SMURF2: variants seen among roughly 807,000 people sequenced by gnomAD.
SMURF2 encodes E3 ubiquitin-protein ligase SMURF2.
In SMURF2, 48 loss-of-function variants were observed where a neutral mutation model predicts 109.6. The observed-to-expected ratio is 0.44, with a 90% CI of 0.35 to 0.56. The LOEUF (loss-of-function observed/expected upper bound fraction) is 0.56, where lower values mean the gene tolerates loss of function less well. Among genes scored for constraint, SMURF2 ranks in the 20% least tolerant of loss-of-function variants. The pLI, the probability that SMURF2 is intolerant of heterozygous loss-of-function variation, is 0.01. For missense variants in SMURF2, 575 were observed against 909.0 expected, an observed-to-expected ratio of 0.63 and a Z score of 4.72; for synonymous variants, 288 against 317.1, an observed-to-expected ratio of 0.91 and a Z score of 0.97.
intron 1 of SMURF2, among the ~76,000 whole-genome samples, chr17:64,659,003 T>C (rs1392017960): frequency 2.0e-5 from 3 of 152,224 alleles, no homozygotes; most frequent in Admixed American, 2.0e-4. Flanking sequence ...ATCAAATTAT[T>C]AAATTAGCCC....
chr17:64,607,873 A>T (rs1969990887), intron 1 of SMURF2, among the ~76,000 whole-genome samples: 1 of 151,020 alleles, frequency 6.6e-6, no homozygotes, highest in Non-Finnish European at 1.5e-5. Context: ...CAGGAGGCTG[A>T]GGTGCGAGAA....
chr17:64,599,251 G>C lies in SMURF2; in HGVS notation c.92-761C>G, dbSNP rs1342782779. On this transcript the variant is annotated intron_variant, in intron 2 of 18. Coordinates refer to ENST00000262435, the MANE Select transcript of SMURF2 (RefSeq NM_022739.4). ...CAAGGGGGTCAATTAACTAGCCCAA[G>C]GTCACAGAGTAGTAAATGGCAGGGC... Among the ~76,000 whole-genome samples the C allele has an allele frequency of 4.6e-5, 7 of 152,236 alleles. No individual in the cohort carries two copies. In the Middle Eastern group the frequency reaches 0.01, roughly 222 times the overall value.
chr17:64,556,134 T>C, intron 13 of SMURF2, 136 bp from the exon 14 acceptor site: 1 of 548,512 alleles, frequency 1.8e-6, no homozygotes, highest in Non-Finnish European at 3.2e-6. Flanking sequence ...CAGGAGGGAG[T>C]ATTTCTCTAG....
At chr17:64,622,302 A>G (rs1055284695) in intron 1 of SMURF2, among the ~76,000 whole-genome samples, 2 of 152,098 alleles carry the variant, frequency 1.3e-5, no homozygotes, top group African/African-American at 4.8e-5. Flanking sequence ...ATGAACATCT[A>G]ACATTAATAT....
intron 2 of SMURF2, among the ~76,000 whole-genome samples, chr17:64,606,199 A>G (rs141862403): frequency 4.6e-5 from 7 of 152,328 alleles, no homozygotes; most frequent in African/African-American, 1.7e-4. Context: ...AGCAGGCTCA[A>G]TGACTTTTCT....
At chr17:64,557,744 A>C (rs1555684163) in intron 12 of SMURF2, 22 bp from the exon 13 acceptor site, 1 of 1,444,338 alleles carries the variant, frequency 6.9e-7, no homozygotes, top group East Asian at 2.3e-5. Flanking sequence ...GATATGACCA[A>C]GGAATTTTTT....
chr17:64,629,927 G>C (rs1485664890), intron 1 of SMURF2, among the ~76,000 whole-genome samples: 1 of 152,164 alleles, frequency 6.6e-6, no homozygotes, highest in African/African-American at 2.4e-5. Flanking sequence ...TACTAGAAAA[G>C]TAATCATCCT....
intron 1 of SMURF2, among the ~76,000 whole-genome samples, chr17:64,653,863 TAAAC>T (rs1970671121): frequency 6.6e-6 from 1 of 152,106 alleles, no homozygotes; most frequent in South Asian, 2.1e-4. Flanking sequence ...TATAAATGGA[TAAAC>T]AAATTGGTGT....
intron 1 of SMURF2, among the ~76,000 whole-genome samples, chr17:64,621,312 G>A (rs1385906782): frequency 4.6e-5 from 7 of 152,258 alleles, no homozygotes; most frequent in African/African-American, 1.7e-4. Flanking sequence ...GGGCGTGCTG[G>A]CTCACGCCTG....
intron 1 of SMURF2, among the ~76,000 whole-genome samples, chr17:64,643,988 G>C (rs1426490715): frequency 6.6e-6 from 1 of 151,962 alleles, no homozygotes; most frequent in African/African-American, 2.4e-5. Flanking sequence ...ACCAAGCCTG[G>C]CTAATTTTTA....
chr17:64,606,529 A>C, intron 2 of SMURF2, 73 bp downstream of exon 2: 1 of 1,102,344 alleles, frequency 9.1e-7, no homozygotes, highest in East Asian at 2.6e-5. Context: ...AAACCCCTAA[A>C]CCAGAGAATT....
chr17:64,631,280 GGGAGAGAGAGAGAGAGAGAGAGAGAGAGA>G (rs1970340042), intron 1 of SMURF2, among the ~76,000 whole-genome samples: 2 of 16,306 alleles, frequency 1.2e-4, no homozygotes, highest in Non-Finnish European at 3.4e-4. Context: ...GAGGGGGGGG[GGGAGAGAGAGAGAGAGAGAGAGAGAGAGA>G]GAGAGAGAGA....
Position 64,571,703 on chromosome 17 carries a change from G to C in SMURF2, c.1016+95C>G, listed in dbSNP as rs1555685567. The stretch of plus-strand genomic sequence containing the variant: ...CAAAGCACTGGGATTAAAGGCGTGA[G>C]CCACTGTATCGAGACTCACATTTAT... On this transcript the variant is annotated intron_variant, in intron 10 of 18. Coordinates refer to ENST00000262435, the MANE Select transcript of SMURF2 (RefSeq NM_022739.4). The C allele has an allele frequency of 3.9e-6, 5 of 1,296,678 alleles. No individual in the cohort carries two copies. In the East Asian group the frequency reaches 1.3e-4, roughly 33 times the overall value. 80.3% of individuals were successfully genotyped at this position (1,296,678 alleles called of 1,614,324 possible). A position where few individuals can be genotyped will look rare whatever the true frequency, so the allele number is the denominator to read the frequency against.
chr17:64,614,675 A>G (rs1220354954), intron 1 of SMURF2, among the ~76,000 whole-genome samples: 1 of 152,240 alleles, frequency 6.6e-6, no homozygotes, highest in Admixed American at 6.5e-5. Flanking sequence ...CATTTCACAC[A>G]GATGCAGGTG....
chr17:64,622,609 T>A (rs565506560), intron 1 of SMURF2, among the ~76,000 whole-genome samples: 1 of 152,298 alleles, frequency 6.6e-6, no homozygotes, highest in East Asian at 1.9e-4. Flanking sequence ...ACGGGGTTTA[T>A]GAGTTGTTGG....
chr17:64,556,896 A>T (rs782791173), intron 13 of SMURF2, among the ~76,000 whole-genome samples: 5 of 152,196 alleles, frequency 3.3e-5, no homozygotes, highest in Non-Finnish European at 5.9e-5. Context: ...GCACGCACAC[A>T]AACATATATA....
intron 9 of SMURF2, among the ~76,000 whole-genome samples, chr17:64,574,632 A>G (rs947275743): frequency 6.6e-6 from 1 of 152,240 alleles, no homozygotes; most frequent in Admixed American, 6.5e-5. Context: ...CTCCAAAACA[A>G]AAGATGTAAG....
rs782109881 is a variant in SMURF2, at chr17:64,598,425, C to T, written c.157G>A (p.Val53Met). The T allele has an allele frequency of 9.3e-6, 15 of 1,609,808 alleles. No homozygotes were observed. The South Asian group carries it at 1.7e-4, about 18-fold the overall frequency. ...GSGQCHSTDTVKNTLDPKWNQ... is the reference protein window; with the variant it reads ...GSGQCHSTDTMKNTLDPKWNQ... ...CACTTTGGATCAAGCGTATTCTTCA[C>T]AGTATCTGTAGAATGGCATTGCCCA... Residue 53 changes from valine (V) to methionine (M), a missense_variant, in exon 3 of 19, where the codon GTG becomes ATG. Transcript: ENST00000262435.
At chr17:64,564,967 G>C (rs1472327811) in intron 10 of SMURF2, among the ~76,000 whole-genome samples, 3 of 152,190 alleles carry the variant, frequency 2.0e-5, no homozygotes, top group African/African-American at 7.2e-5. Context: ...TGGGGGTGGT[G>C]AATATGTTCA....
Sources: allele counts gnomAD v4.1 joint callset (sites outside exome capture counted in the v4.1 genomes callset), GRCh38; gene constraint gnomAD v4.1.1; transcripts MANE v1.5; gene names NCBI Gene and HGNC (gene_info 2026-07-23, HGNC 2026-07-21).